Variants in CREB5 observed in about 807,000 individuals in gnomAD.
The protein encoded by CREB5 is cAMP responsive element binding protein 5, also known as cyclic AMP-responsive element-binding protein 5.
Under a neutral mutation model 57.1 loss-of-function variants are expected in CREB5, and 19 were observed. The ratio of observed to expected loss-of-function variants is 0.33; its 90% confidence interval spans 0.23 to 0.49. The LOEUF is 0.49. Ranked by LOEUF, CREB5 falls within the 20% of genes least tolerant of loss-of-function variation. CREB5 has a pLI of 0.99. For synonymous variants in CREB5, 238 were observed against 238.3 expected (o/e 1.00, Z 0.01); for missense variants, 579 against 671.6 (o/e 0.86, Z 1.52).
intron 7 of CREB5, among the ~76,000 whole-genome samples, chr7:28,778,663 G>C (rs1235257081): frequency 6.6e-6 from 1 of 152,082 alleles, no homozygotes; most frequent in Non-Finnish European, 1.5e-5. Context: ...AAATGTGCTA[G>C]TATAGTGCCA....
intron 1 of CREB5, among the ~76,000 whole-genome samples, chr7:28,326,436 C>T (rs1347247103): frequency 6.6e-6 from 1 of 152,230 alleles, no homozygotes; most frequent in Non-Finnish European, 1.5e-5. Flanking sequence ...TGCTGGTTCA[C>T]ACAAGCTCAT....
At chr7:28,706,848 T>G (rs1802135047) in intron 5 of CREB5, among the ~76,000 whole-genome samples, 1 of 152,112 alleles carries the variant, frequency 6.6e-6, no homozygotes, top group Admixed American at 6.6e-5. Context: ...GGATAGTGTT[T>G]CAAGTTATCA....
rs56956362 is a variant in CREB5 at position 28,638,264 on chromosome 7, GACACACACACAC to G, written c.464+67746_464+67757del. Among the ~76,000 whole-genome samples, 11 of 145,800 alleles carry G rather than the reference GACACACACACAC, an allele frequency of 7.5e-5. No homozygotes were observed. In the South Asian group the frequency reaches 2.2e-3, roughly 29 times the overall value. The stretch of plus-strand genomic sequence containing the variant: ...ATTGCTATCTTAAAGAAAGAAACTA[GACACACACACAC>G]ACACACACACACACACACGAACACA... On this transcript the variant is annotated intron_variant, in intron 5 of 10. Coordinates refer to ENST00000357727, the MANE Select transcript of CREB5 (RefSeq NM_182898.4).
At chr7:28,578,717 A>G (rs1795998038) in intron 5 of CREB5, among the ~76,000 whole-genome samples, 1 of 152,242 alleles carries the variant, frequency 6.6e-6, no homozygotes, top group Admixed American at 6.5e-5. Flanking sequence ...TGCCCTTTGC[A>G]TGTATGATAT....
chr7:28,557,047 A>G (rs1038098869), intron 4 of CREB5, among the ~76,000 whole-genome samples: 4 of 149,354 alleles, frequency 2.7e-5, no homozygotes, highest in African/African-American at 9.8e-5. Context: ...CTCCCTGCTG[A>G]AACTGGCCCC....
intron 7 of CREB5, among the ~76,000 whole-genome samples, chr7:28,792,103 G>A (rs758176415): frequency 5.3e-5 from 8 of 152,174 alleles, no homozygotes; most frequent in South Asian, 4.1e-4. Flanking sequence ...CCAGGGGTTC[G>A]AGACCAGCCT....
chr7:28,481,461 C>T (rs1002145220), intron 1 of CREB5, among the ~76,000 whole-genome samples: 17 of 152,290 alleles, frequency 1.1e-4, no homozygotes, highest in East Asian at 7.7e-4. Context: ...ACCCTCTTCA[C>T]GCCAAGTTCT....
chr7:28,348,408 T>TCACA (rs59152695), intron 1 of CREB5, among the ~76,000 whole-genome samples: 247 of 118,244 alleles, frequency 2.1e-3, no homozygotes, highest in African/African-American at 5.8e-3. Context: ...TCTCTCTCTC[T>TCACA]CACACACACA....
intron 1 of CREB5, among the ~76,000 whole-genome samples, chr7:28,360,612 TAGA>T (rs1169311801): frequency 6.6e-6 from 1 of 152,190 alleles, no homozygotes; most frequent in African/African-American, 2.4e-5. Context: ...ATATTTCAGT[TAGA>T]CTGGAGGAAT....
intron 7 of CREB5, among the ~76,000 whole-genome samples, chr7:28,731,990 ATGTTTTCTCGC>A (rs1803662476): frequency 6.6e-6 from 1 of 151,804 alleles, no homozygotes; most frequent in African/African-American, 2.4e-5. Flanking sequence ...CCAAATCCCC[ATGTTTTCTCGC>A]TGTTTTCTTT....
At chr7:28,388,819 T>C (rs2127997391) in intron 1 of CREB5, among the ~76,000 whole-genome samples, 1 of 152,324 alleles carries the variant, frequency 6.6e-6, no homozygotes, top group African/African-American at 2.4e-5. Context: ...ATCTCTGAAA[T>C]CAGTAGTAAA....
chr7:28,609,697 G>T (rs531483831), intron 5 of CREB5, among the ~76,000 whole-genome samples: 2 of 152,218 alleles, frequency 1.3e-5, no homozygotes, highest in African/African-American at 2.4e-5. Flanking sequence ...GGTGCATGGA[G>T]GTAGTTTGGT....
chr7:28,572,013 T>A (rs1795724410), intron 5 of CREB5, among the ~76,000 whole-genome samples: 1 of 152,212 alleles, frequency 6.6e-6, no homozygotes, highest in Non-Finnish European at 1.5e-5. Context: ...CTCCACAATT[T>A]GTCAGTAGGT....
At chr7:28,344,887 A>G (rs1053298095) in intron 1 of CREB5, among the ~76,000 whole-genome samples, 1 of 152,230 alleles carries the variant, frequency 6.6e-6, no homozygotes, top group Non-Finnish European at 1.5e-5. Context: ...ATAGACTTCA[A>G]TAAACAAAGT....
intron 5 of CREB5, among the ~76,000 whole-genome samples, chr7:28,693,460 T>C (rs776910060): frequency 2.6e-5 from 4 of 152,236 alleles, no homozygotes; most frequent in Non-Finnish European, 4.4e-5. Context: ...TTGCAGCCTT[T>C]TGGGCCTGTC....
At chr7:28,622,796 G>T (rs1048771431) in intron 5 of CREB5, among the ~76,000 whole-genome samples, 3 of 151,966 alleles carry the variant, frequency 2.0e-5, no homozygotes, top group Non-Finnish European at 2.9e-5. Context: ...CGAGGCAAAA[G>T]GATCACTTCA....
chr7:28,500,790 C>T (rs1001367615), intron 3 of CREB5, among the ~76,000 whole-genome samples: 8 of 152,048 alleles, frequency 5.3e-5, no homozygotes, highest in African/African-American at 1.2e-4. Flanking sequence ...TTTTTTAGAA[C>T]GAGTTAGGGT....
chr7:28,362,406 T>C (rs1786504880), intron 1 of CREB5, among the ~76,000 whole-genome samples: 1 of 152,214 alleles, frequency 6.6e-6, no homozygotes, highest in Non-Finnish European at 1.5e-5. Context: ...TAGTAAGAAA[T>C]CACATGTGTT....
chr7:28,561,003 T>TGTGTGCGCGCGTGCGTGC (rs1795238608), intron 4 of CREB5, among the ~76,000 whole-genome samples: 2 of 27,266 alleles, frequency 7.3e-5, no homozygotes, highest in African/African-American at 1.6e-4. Flanking sequence ...TGCCTGCGTG[T>TGTGTGCGCGCGTGCGTGC]GCGTGTGTGT....
Sources: gnomAD v4.1 joint callset for allele counts (sites outside exome capture counted in the v4.1 genomes callset) on GRCh38, gnomAD v4.1.1 for gene constraint, MANE v1.5 for transcripts, NCBI Gene and HGNC (gene_info 2026-07-23, HGNC 2026-07-21) for gene names.